The following RAD21 variants were observed in gnomAD, a reference collection of about 807,000 sequenced individuals.
RAD21 encodes the protein RAD21 cohesin complex component, also known as double-strand-break repair protein rad21 homolog.
In RAD21, 18 loss-of-function variants were observed where a neutral mutation model predicts 71.5. That is an observed-to-expected ratio of 0.25 (90% confidence interval 0.17 to 0.37). The LOEUF is 0.37. Ranked by LOEUF, RAD21 falls within the 10% of genes least tolerant of loss-of-function variation. The pLI, the probability that RAD21 is intolerant of heterozygous loss-of-function variation, is 1.00. For missense variants in RAD21, 493 were observed against 769.1 expected (o/e 0.64, Z 4.25); for synonymous variants, 248 against 254.0 (o/e 0.98, Z 0.22).
Position 116,857,233 on chromosome 8 carries a change from T to C in RAD21, c.688+34A>G, listed in dbSNP as rs1301958722. 1.0e-5 allele frequency: 16 copies of C among 1,558,058 alleles called. No homozygotes were observed. In the East Asian group the frequency reaches 3.6e-4, roughly 35 times the overall value. ...ACTTTACAACTTAATAAAGAAATTCTGTTTATGCTGGAATAACCATCATTC... is the reference window on the plus strand; with the variant it reads ...ACTTTACAACTTAATAAAGAAATTCCGTTTATGCTGGAATAACCATCATTC... On this transcript the variant is annotated intron_variant, in intron 6 of 13. Transcript: ENST00000297338.
intron 8 of RAD21, 43 bp from the exon 9 acceptor site, chr8:116,854,511 A>G (rs765764891): frequency 1.4e-6 from 2 of 1,428,988 alleles, no homozygotes; most frequent in South Asian, 1.2e-5. Context: ...CTGAGAGGCC[A>G]GCATGGAACA....
At chr8:116,870,431 T>A (rs1812795872) in intron 1 of RAD21, among the ~76,000 whole-genome samples, 1 of 152,224 alleles carries the variant, frequency 6.6e-6, no homozygotes, top group South Asian at 2.1e-4. Flanking sequence ...AGACAAAATA[T>A]TCTTAAGGTA....
intron 1 of RAD21, among the ~76,000 whole-genome samples, chr8:116,869,889 A>G (rs535237897): frequency 6.6e-6 from 1 of 152,328 alleles, no homozygotes; most frequent in Non-Finnish European, 1.5e-5. Context: ...GTAAATCTTA[A>G]AGAATTTTGC....
Position 116,856,286 on chromosome 8 carries a change from C to T in RAD21, c.817G>A (p.Gly273Ser), listed in dbSNP as rs1237696990. 1 of 1,444,026 alleles carries T rather than the reference C, an allele frequency of 6.9e-7. No individual in the cohort carries two copies. The highest frequency in any genetic ancestry group is 9.0e-7 in the Non-Finnish European group (1 of 1,110,694). 89.5% of individuals were successfully genotyped at this position (1,444,026 alleles called of 1,614,324 possible). Residue 273 changes from glycine (G) to serine (S), a missense_variant and splice_region_variant, in exon 8 of 14, where the codon GGT becomes AGT. Physicochemically the swap from Gly to Ser is moderately conservative, Grantham distance 56. Coordinates refer to ENST00000297338, the MANE Select transcript of RAD21 (RefSeq NM_006265.3). ...ACTGAATCAGGACTATCAGGCCCAC[C>T]CACTGTAAAAAAAAAAAAAAAAAAA... ...DMDEDDNVSM[G>S]GPDSPDSVDP...
At chr8:116,851,355 C>G (rs1243611391) in intron 11 of RAD21, 1 of 152,200 alleles carries the variant, frequency 6.6e-6, no homozygotes, top group African/African-American at 2.4e-5. Flanking sequence ...GCACAGAAAA[C>G]TAGTTCTTAA....
rs758179505 is a variant in RAD21, at chr8:116,852,642, C to T, written c.1228G>A (p.Ala410Thr). 5 of 1,613,068 alleles carry T rather than the reference C, an allele frequency of 3.1e-6. No individual in the cohort carries two copies. The highest frequency in any genetic ancestry group is 4.2e-6 in the Non-Finnish European group (5 of 1,179,456). ...TTGAGGAATTCATCCAAATTATCTG[C>T]CTCTCCTCCTTTCCTCCTTTTTCTA... ...DLRKRRKGGEADNLDEFLKEF... is the reference protein window; with the variant it reads ...DLRKRRKGGETDNLDEFLKEF... Residue 410 changes from alanine (A) to threonine (T), a missense_variant, in exon 10 of 14, where the codon GCA (alanine) becomes ACA (threonine). Coordinates refer to ENST00000297338, the MANE Select transcript of RAD21 (RefSeq NM_006265.3).
intron 1 of RAD21, among the ~76,000 whole-genome samples, chr8:116,871,108 G>A (rs1812813394): frequency 6.6e-6 from 1 of 152,178 alleles, no homozygotes; most frequent in Non-Finnish European, 1.5e-5. Context: ...GTGGTGGATC[G>A]ACTCCTGGTG....
chr8:116,855,284 T>G (rs1284988060), intron 8 of RAD21, among the ~76,000 whole-genome samples: 1 of 152,208 alleles, frequency 6.6e-6, no homozygotes, highest in Non-Finnish European at 1.5e-5. Context: ...GTAAAAACTA[T>G]GTCTAAATTA....
chr8:116,856,062 A>G, intron 8 of RAD21, 104 bp downstream of exon 8: 1 of 1,331,638 alleles, frequency 7.5e-7, no homozygotes, highest in Non-Finnish European at 1.0e-6. Flanking sequence ...AAAAGCAAGA[A>G]GCCTAGTTAT....
chr8:116,863,383 T>G, intron 2 of RAD21, 124 bp from the exon 3 acceptor site: 1 of 1,001,156 alleles, frequency 1.0e-6, no homozygotes, highest in Non-Finnish European at 1.4e-6. Flanking sequence ...TACCTATAAA[T>G]TCCCTGAATA....
chr8:116,874,024 G>C (rs1464469766), intron 1 of RAD21: 1 of 152,268 alleles, frequency 6.6e-6, no homozygotes, highest in African/African-American at 2.4e-5. Flanking sequence ...TTTAAAACGG[G>C]AGGGCAGCAG....
chr8:116,852,403 A>G, intron 10 of RAD21, 146 bp downstream of exon 10: 1 of 891,636 alleles, frequency 1.1e-6, no homozygotes, highest in Non-Finnish European at 1.6e-6. Flanking sequence ...TACTTAAATA[A>G]GGCAATCAGA....
intron 1 of RAD21, chr8:116,867,083 A>C (rs191614674): frequency 1.8e-4 from 29 of 164,818 alleles, no homozygotes; most frequent in Middle Eastern, 2.7e-3. Flanking sequence ...GCTAGAGAAT[A>C]TATTTTTCAT....
At chr8:116,869,970 G>C (rs932336428) in intron 1 of RAD21, among the ~76,000 whole-genome samples, 2 of 152,058 alleles carry the variant, frequency 1.3e-5, no homozygotes, top group Non-Finnish European at 2.9e-5. Context: ...TTAGTTACGC[G>C]TATCACAAGC....
chr8:116,857,555 T>A, intron 5 of RAD21, 82 bp from the exon 6 acceptor site: 1 of 1,132,152 alleles, frequency 8.8e-7, no homozygotes, highest in Non-Finnish European at 1.3e-6. Context: ...TGATTTATTC[T>A]AATTATGTCA....
In RAD21 at chr8:116,873,353, C is replaced by T. The variant is rs1408501662; in HGVS notation, c.-33+1258G>A. Among the ~76,000 whole-genome samples, 4 of 152,190 alleles carry T rather than the reference C, an allele frequency of 2.6e-5. No homozygotes were observed. The East Asian group carries it at 7.7e-4, about 29-fold the overall frequency. On this transcript the variant is annotated intron_variant, in intron 1 of 13. Coordinates refer to ENST00000297338, the MANE Select transcript of RAD21 (RefSeq NM_006265.3). ...TAACTTATTTGAAGATCAGATATGGCGTATGTCCTCATCAATGCCTTTCCA... is the reference window on the plus strand; with the variant it reads ...TAACTTATTTGAAGATCAGATATGGTGTATGTCCTCATCAATGCCTTTCCA...
chr8:116,856,814 T>A (rs1435162719), intron 6 of RAD21, 43 bp from the exon 7 acceptor site: 8 of 1,395,158 alleles, frequency 5.7e-6, no homozygotes, highest in African/African-American at 1.5e-5. Context: ...GAAAAAGAAA[T>A]GCCAAACCAC....
At chr8:116,866,811 A>G in intron 1 of RAD21, 50 bp from the exon 2 acceptor site, 1 of 1,248,534 alleles carries the variant, frequency 8.0e-7, no homozygotes, top group East Asian at 2.7e-5. Context: ...CAATTTAAAT[A>G]CTTATCAAGA....
intron 12 of RAD21, 51 bp from the exon 13 acceptor site, chr8:116,849,080 T>G (rs570378563): frequency 7.2e-7 from 1 of 1,397,946 alleles, no homozygotes; most frequent in Non-Finnish European, 9.7e-7. Context: ...CAATGAAAAA[T>G]GAAGTATTTC....
Sources: allele counts gnomAD v4.1 joint callset (sites outside exome capture counted in the v4.1 genomes callset), GRCh38; gene constraint gnomAD v4.1.1; transcripts MANE v1.5; gene names NCBI Gene and HGNC (gene_info 2026-07-23, HGNC 2026-07-21).